The following PID1 variants were observed in gnomAD, a reference collection of about 807,000 sequenced individuals.
The protein encoded by PID1 is PTB-containing, cubilin and LRP1-interacting protein.
Under a neutral mutation model 19.1 loss-of-function variants are expected in PID1, and 10 were observed. The ratio of observed to expected loss-of-function variants is 0.52; its 90% confidence interval spans 0.32 to 0.89. The LOEUF (loss-of-function observed/expected upper bound fraction) is 0.89. PID1 is among the 40% of genes least tolerant of loss of function. The pLI is 0.03. For synonymous variants in PID1, 130 were observed against 116.0 expected (o/e 1.12, Z -0.78); for missense variants, 248 against 285.3 (o/e 0.87, Z 0.94).
At chr2:229,204,272 GA>G (rs1691558869) in intron 1 of PID1, among the ~76,000 whole-genome samples, 1 of 152,060 alleles carries the variant, frequency 6.6e-6, no homozygotes, top group Non-Finnish European at 1.5e-5. Context: ...ACTTTTAAAT[GA>G]GTACTTAGGA....
At chr2:229,197,000 C>T (rs13006395) in intron 1 of PID1, among the ~76,000 whole-genome samples, 34,404 of 151,876 alleles carry the variant, frequency 0.23, 4,139 homozygotes, top group Non-Finnish European at 0.27. Context: ...AACTGTAGAA[C>T]ACAAGGCAAA....
intron 2 of PID1, among the ~76,000 whole-genome samples, chr2:229,042,973 G>A (rs1025600838): frequency 6.6e-6 from 1 of 151,026 alleles, no homozygotes; most frequent in East Asian, 1.9e-4. Context: ...GAGAAAGGGG[G>A]TAGCGCAGAA....
At chr2:229,237,568 C>A (rs1182188642) in intron 1 of PID1, among the ~76,000 whole-genome samples, 1 of 152,034 alleles carries the variant, frequency 6.6e-6, no homozygotes, top group African/African-American at 2.4e-5. Context: ...TCACTTGCTT[C>A]TAATTATAAG....
chr2:229,182,343 A>G (rs940822411), intron 1 of PID1, among the ~76,000 whole-genome samples: 1 of 152,168 alleles, frequency 6.6e-6, no homozygotes, highest in Non-Finnish European at 1.5e-5. Flanking sequence ...GGAACTTTCT[A>G]TGCCTTCCAC....
intron 2 of PID1, among the ~76,000 whole-genome samples, chr2:229,144,041 T>C (rs564025095): frequency 1.3e-5 from 2 of 152,280 alleles, no homozygotes; most frequent in East Asian, 1.9e-4. Flanking sequence ...CAAGGGATCA[T>C]AGAAGTCAAT....
At chr2:229,208,105 G>T (rs1269101836) in intron 1 of PID1, among the ~76,000 whole-genome samples, 1 of 152,086 alleles carries the variant, frequency 6.6e-6, no homozygotes, top group Non-Finnish European at 1.5e-5. Flanking sequence ...CCAGGCCTCT[G>T]GGTTGTAAAG....
intron 2 of PID1, among the ~76,000 whole-genome samples, chr2:229,042,267 T>C (rs1048061651): frequency 3.3e-5 from 5 of 152,144 alleles, no homozygotes; most frequent in African/African-American, 9.7e-5. Flanking sequence ...CCTATGTATA[T>C]TGAAATATTT....
At chr2:229,219,173 C>G (rs1418849889) in intron 1 of PID1, among the ~76,000 whole-genome samples, 2 of 152,092 alleles carry the variant, frequency 1.3e-5, no homozygotes, top group East Asian at 1.9e-4. Flanking sequence ...TCTTTACAGA[C>G]AGGGTCACTG....
chr2:229,198,593 G>A (rs773767017), intron 1 of PID1, among the ~76,000 whole-genome samples: 5 of 151,974 alleles, frequency 3.3e-5, no homozygotes, highest in Non-Finnish European at 7.4e-5. Context: ...CAAAAACCAT[G>A]TCATCCATCT....
intron 2 of PID1, among the ~76,000 whole-genome samples, chr2:229,032,738 G>T (rs1411902127): frequency 6.6e-6 from 1 of 152,198 alleles, no homozygotes; most frequent in Non-Finnish European, 1.5e-5. Context: ...CATTCTGAGA[G>T]AAATAAAATG....
chr2:229,199,509 T>C (rs927681076), intron 1 of PID1, among the ~76,000 whole-genome samples: 1 of 151,862 alleles, frequency 6.6e-6, no homozygotes, highest in Non-Finnish European at 1.5e-5. Context: ...TGCCTTATTG[T>C]GGTGGCTACA....
Position 229,187,316 on chromosome 2 carries a change from C to T in PID1, c.31-31352G>A, listed in dbSNP as rs377512531. Among the ~76,000 whole-genome samples the T allele has an allele frequency of 2.2e-4, 33 of 152,242 alleles. No homozygotes were observed. The South Asian group carries it at 5.6e-3, about 26-fold the overall frequency. The stretch of plus-strand genomic sequence containing the variant: ...CCTGGTACCAATTTACTGTATTAGT[C>T]CATTTTCACACTGCTGATAAAGACA... On this transcript the variant is annotated intron_variant, in intron 1 of 2. Coordinates refer to ENST00000392055, the MANE Select transcript of PID1 (RefSeq NM_001100818.2).
At chr2:229,113,507 T>TAC (rs1446662776) in intron 2 of PID1, among the ~76,000 whole-genome samples, 11 of 81,166 alleles carry the variant, frequency 1.4e-4, no homozygotes, top group Non-Finnish European at 2.5e-4. Flanking sequence ...TGTGTGTGTA[T>TAC]ACATATATAT....
intron 1 of PID1, among the ~76,000 whole-genome samples, chr2:229,186,133 C>A (rs1006473601): frequency 6.6e-6 from 1 of 152,186 alleles, no homozygotes; most frequent in African/African-American, 2.4e-5. Context: ...CCAAAATGAC[C>A]TCCTTTGACT....
intron 1 of PID1, among the ~76,000 whole-genome samples, chr2:229,210,883 T>C (rs1691718189): frequency 6.6e-6 from 1 of 152,168 alleles, no homozygotes; most frequent in Admixed American, 6.5e-5. Context: ...TCAAGGACGG[T>C]TAATCACTTT....
chr2:229,040,412 T>C (rs551361612), intron 2 of PID1, among the ~76,000 whole-genome samples: 2 of 152,254 alleles, frequency 1.3e-5, no homozygotes, highest in Admixed American at 6.5e-5. Flanking sequence ...ATATATTTGT[T>C]TGTGAAAAAA....
At chr2:229,104,462 A>G (rs1695134893) in intron 2 of PID1, among the ~76,000 whole-genome samples, 1 of 152,250 alleles carries the variant, frequency 6.6e-6, no homozygotes, top group Non-Finnish European at 1.5e-5. Context: ...TTTTAAAAAT[A>G]CAAATGTGTA....
Position 229,219,790 on chromosome 2 carries a change from G to A in PID1, c.30+51224C>T, listed in dbSNP as rs968762019. ...CCCACCTGGACCTCTCAAAGCACTG[G>A]GTTTATAGGCATGAGCCACTGTGCC... On this transcript the variant is annotated intron_variant, in intron 1 of 2. Transcript: ENST00000392055. Among the ~76,000 whole-genome samples the A allele has an allele frequency of 2.5e-4, 38 of 151,894 alleles. 1 individual carries two copies. Among genetic ancestry groups the A allele is most frequent in the Non-Finnish European group, 8.8e-5 (6 of 67,986 alleles).
intron 1 of PID1, among the ~76,000 whole-genome samples, chr2:229,261,745 T>A (rs1690465460): frequency 6.6e-6 from 1 of 152,188 alleles, no homozygotes; most frequent in African/African-American, 2.4e-5. Context: ...GAATGACTCT[T>A]CACTCTCAGA....
Sources: gnomAD v4.1 joint callset for allele counts (sites outside exome capture counted in the v4.1 genomes callset) on GRCh38, gnomAD v4.1.1 for gene constraint, MANE v1.5 for transcripts, NCBI Gene and HGNC (gene_info 2026-07-23, HGNC 2026-07-21) for gene names.